The following ITSN1 variants were observed in gnomAD, a reference collection of about 807,000 sequenced individuals.
The protein encoded by ITSN1 is intersectin 1.
A neutral mutation model predicts 239.8 loss-of-function variants in ITSN1; 58 were observed. The observed-to-expected ratio is 0.24, with a 90% CI of 0.20 to 0.30. The LOEUF is 0.30. Ranked by LOEUF, ITSN1 falls within the 10% of genes least tolerant of loss-of-function variation. ITSN1 has a pLI of 1.00. For synonymous variants in ITSN1, 780 were observed against 770.8 expected (o/e 1.01, Z -0.20); for missense variants, 1,558 against 2,103.3 (o/e 0.74, Z 5.07).
chr21:33,786,272 GTGTTCTGTATGTAACAAATACC>G (rs1425761433), intron 16 of ITSN1, among the ~76,000 whole-genome samples: 1 of 152,156 alleles, frequency 6.6e-6, no homozygotes, highest in East Asian at 1.9e-4. Flanking sequence ...CTTTTAAAAT[GTGTTCTGTATGTAACAAATACC>G]TTATTAAGAA....
intron 1 of ITSN1, among the ~76,000 whole-genome samples, chr21:33,675,573 T>TA (rs921634524): frequency 1.3e-5 from 2 of 151,616 alleles, no homozygotes; most frequent in African/African-American, 4.8e-5. Context: ...TCTCAAAAAA[T>TA]AAAAAATAAA....
rs1985037618 is a variant in ITSN1 at position 33,882,117 on chromosome 21, G to A, written c.4342-126G>A. 2 of 749,340 alleles carry A rather than the reference G, an allele frequency of 2.7e-6. No homozygotes were observed. The highest frequency in any genetic ancestry group is 4.3e-6 in the Non-Finnish European group (2 of 463,704). The allele number at this position is 749,340 out of a possible 1,614,324, so 46.4% of individuals were successfully genotyped here. Reference sequence around the variant, plus strand: ...ATCTCTTGGCTCCAAAGTCTTCAAAGCTATCCTTGACTTTTGCCTGAGATC... The same window carrying A: ...ATCTCTTGGCTCCAAAGTCTTCAAAACTATCCTTGACTTTTGCCTGAGATC... On this transcript the variant is annotated intron_variant, in intron 34 of 39. Coordinates refer to ENST00000381318, the MANE Select transcript of ITSN1 (RefSeq NM_003024.3). This position sits in a 1 kb window ranked among gnomAD's most constrained non-coding sequence, Gnocchi z 4.5.
intron 31 of ITSN1, 50 bp downstream of exon 31, chr21:33,858,842 T>G: frequency 1.9e-6 from 2 of 1,046,144 alleles, no homozygotes; most frequent in East Asian, 4.8e-5. Context: ...TCGGCTCTCA[T>G]GCACTCGCAC....
chr21:33,877,967 C>A (rs139668952), intron 34 of ITSN1, among the ~76,000 whole-genome samples: 50 of 147,110 alleles, frequency 3.4e-4, no homozygotes, highest in Non-Finnish European at 6.3e-4. Flanking sequence ...CTTCCAGCAA[C>A]AGAAGTCTCT....
intron 20 of ITSN1, among the ~76,000 whole-genome samples, chr21:33,804,429 T>C (rs2072246912): frequency 6.6e-6 from 1 of 152,204 alleles, no homozygotes; most frequent in African/African-American, 2.4e-5. Context: ...TAGAAAAATC[T>C]AGAGAAACAC....
At chr21:33,829,013 A>G (rs1242597090) in intron 26 of ITSN1, 2 of 471,280 alleles carry the variant, frequency 4.2e-6, no homozygotes, top group East Asian at 1.4e-4. Context: ...TTGCCCTGCC[A>G]TGATTTGCAC....
intron 25 of ITSN1, among the ~76,000 whole-genome samples, chr21:33,826,122 C>G (rs2148329942): frequency 6.6e-6 from 1 of 152,314 alleles, no homozygotes; most frequent in Non-Finnish European, 1.5e-5. Flanking sequence ...ATGAGTATCC[C>G]AGAGAGGAAT....
At chr21:33,884,442 C>T (rs1985452821) in intron 36 of ITSN1, among the ~76,000 whole-genome samples, 1 of 152,106 alleles carries the variant, frequency 6.6e-6, no homozygotes, top group Non-Finnish European at 1.5e-5. Flanking sequence ...AAGACACTGC[C>T]CTGGAGCCAA....
chr21:33,811,203 T>C lies in ITSN1; in HGVS notation c.2548T>C (p.Trp850Arg). The change falls in exon 21 of 40, where the codon TGG (tryptophan) becomes CGG (arginine). Residue 850 changes from tryptophan (W) to arginine (R), a missense_variant. Physicochemically the swap from Trp to Arg is moderately radical, Grantham distance 101 (BLOSUM62 -3). Around this residue, in one of 2 missense-constraint regions of ITSN1, gnomAD observed 982 missense variants for 1,209.9 expected, o/e 0.81. Transcript: ENST00000381318. ...SSEPSTTPNN[W>R]ADFSSTWPTS... ...AGAGCCCTCCACGACCCCTAATAAC[T>C]GGGCCGACTTCAGCTCCACGTACGT... The C allele has an allele frequency of 6.3e-7, 1 of 1,590,376 alleles. No homozygotes were observed. Among genetic ancestry groups the C allele is most frequent in the Non-Finnish European group, 8.6e-7 (1 of 1,168,254 alleles).
chr21:33,728,786 A>T (rs940333732), intron 4 of ITSN1, among the ~76,000 whole-genome samples: 35 of 152,076 alleles, frequency 2.3e-4, no homozygotes, highest in African/African-American at 8.5e-4. Context: ...TTCTCTTGTT[A>T]GTTCTGCTTG....
chr21:33,895,642 C>CGT lies in ITSN1; in HGVS notation c.*7347_*7348dup, dbSNP rs10633812. 0.53 allele frequency: 78,694 copies of CGT among 147,990 alleles called. 20,438 individuals carry two copies. The highest frequency in any genetic ancestry group is 0.56 in the Non-Finnish European group (37,072 of 66,760). The allele number at this position is 147,990 out of a possible 1,614,324, so 9.2% of individuals were successfully genotyped here. A position where few individuals can be genotyped will look rare whatever the true frequency, so the allele number is the denominator to read the frequency against. On this transcript the variant is annotated 3_prime_UTR_variant, in exon 40 of 40. Coordinates refer to ENST00000381318, the MANE Select transcript of ITSN1 (RefSeq NM_003024.3). ...GTATTTGTGTGTGTGCGTGTGTGTG[C>CGT]GTGTGTATGTGCGTGTATGCATGTG...
chr21:33,710,085 T>G (rs924165589), intron 1 of ITSN1, among the ~76,000 whole-genome samples: 3 of 151,192 alleles, frequency 2.0e-5, no homozygotes, highest in South Asian at 2.1e-4. Flanking sequence ...TTTTTTGTTT[T>G]TTTTTTTTTT....
chr21:33,801,950 C>T (rs2072036539), intron 19 of ITSN1, among the ~76,000 whole-genome samples: 2 of 152,214 alleles, frequency 1.3e-5, no homozygotes, highest in Admixed American at 1.3e-4. Context: ...CTACTTTACT[C>T]ATACTGCCTC....
intron 16 of ITSN1, among the ~76,000 whole-genome samples, chr21:33,788,912 G>A (rs772926519): frequency 6.6e-5 from 10 of 152,028 alleles, no homozygotes; most frequent in Non-Finnish European, 1.5e-4. Flanking sequence ...GTGAGTAGCC[G>A]CTGTACTCCA....
chr21:33,825,323 T>C (rs1314155366), intron 25 of ITSN1, among the ~76,000 whole-genome samples: 1 of 151,880 alleles, frequency 6.6e-6, no homozygotes, highest in Non-Finnish European at 1.5e-5. Flanking sequence ...TACTATTCAA[T>C]AATAATGAAA....
chr21:33,654,014 C>G (rs1387277886), intron 1 of ITSN1, among the ~76,000 whole-genome samples: 2 of 151,106 alleles, frequency 1.3e-5, no homozygotes, highest in Non-Finnish European at 3.0e-5. Flanking sequence ...CCTTTAATTC[C>G]TTCCTTCTTT....
At chr21:33,795,791 G>A (rs1359520709) in intron 17 of ITSN1, among the ~76,000 whole-genome samples, 2 of 151,436 alleles carry the variant, frequency 1.3e-5, no homozygotes, top group East Asian at 3.9e-4. Context: ...ATAAAATACA[G>A]AAAAATACAT....
intron 20 of ITSN1, among the ~76,000 whole-genome samples, chr21:33,804,665 C>T (rs2072267202): frequency 6.6e-6 from 1 of 152,150 alleles, no homozygotes; most frequent in Non-Finnish European, 1.5e-5. Context: ...AATTTGACAT[C>T]CGTAACATGT....
At chr21:33,777,578 A>G (rs1248778408) in intron 14 of ITSN1, among the ~76,000 whole-genome samples, 1 of 152,136 alleles carries the variant, frequency 6.6e-6, no homozygotes, top group East Asian at 1.9e-4. Flanking sequence ...ATAAATCTCT[A>G]TTTTGGTAGT....
Sources: allele counts gnomAD v4.1 joint callset (sites outside exome capture counted in the v4.1 genomes callset), GRCh38; gene constraint gnomAD v4.1.1; regional missense constraint gnomAD v4.1.1; non-coding constraint Gnocchi (gnomAD v3.1); transcripts MANE v1.5; gene names NCBI Gene and HGNC (gene_info 2026-07-23, HGNC 2026-07-21).